Variants in FRMD7 observed in about 807,000 individuals in gnomAD.
The protein encoded by FRMD7 is FERM domain containing 7.
Under a neutral mutation model 44.1 loss-of-function variants are expected in FRMD7, and 14 were observed. The observed-to-expected ratio is 0.32, with a 90% CI of 0.21 to 0.50. The LOEUF (loss-of-function observed/expected upper bound fraction) is 0.50. Ranked by LOEUF, FRMD7 falls within the 20% of genes least tolerant of loss-of-function variation. The pLI is 0.99. For synonymous variants in FRMD7, 212 were observed against 187.4 expected, an observed-to-expected ratio of 1.13 and a Z score of -1.07; for missense variants, 501 against 522.3, an observed-to-expected ratio of 0.96 and a Z score of 0.40.
chrX:132,079,760 C>T (rs904767026), intron 11 of FRMD7, among the ~76,000 whole-genome samples: 7 of 111,851 alleles, frequency 6.3e-5, no homozygotes, highest in African/African-American at 2.3e-4. Context: ...ATGTTAGCAA[C>T]ACAGGTTGCA....
chrX:132,125,773 T>G (rs1929140796), intron 1 of FRMD7, among the ~76,000 whole-genome samples: 1 of 111,431 alleles, frequency 9.0e-6, no homozygotes, highest in African/African-American at 3.3e-5. Flanking sequence ...AAATAAATAA[T>G]GTGCATCGGC....
At chrX:132,088,276 G>A (rs770158028) in intron 5 of FRMD7, among the ~76,000 whole-genome samples, 4 of 112,476 alleles carry the variant, frequency 3.6e-5, no homozygotes, top group Admixed American at 9.4e-5. Context: ...AAGGTTGAGC[G>A]TGGTGGCTCA....
chrX:132,126,697 C>T (rs1929164622), intron 1 of FRMD7, among the ~76,000 whole-genome samples: 2 of 112,103 alleles, frequency 1.8e-5, no homozygotes, highest in African/African-American at 6.5e-5. Context: ...TATTTTCCAC[C>T]CCTTAAATAT....
At chrX:132,094,240 C>A in intron 4 of FRMD7, 101 bp from the exon 5 acceptor site, 1 of 572,867 alleles carries the variant, frequency 1.7e-6, no homozygotes, top group African/African-American at 2.2e-5. Flanking sequence ...AGGAATGGTG[C>A]CCCCAGTCAG....
chrX:132,087,337 C>T (rs1367174554), intron 5 of FRMD7, among the ~76,000 whole-genome samples: 1 of 111,297 alleles, frequency 9.0e-6, no homozygotes, highest in Non-Finnish European at 1.9e-5. Flanking sequence ...CTATGGTGCT[C>T]TTCTATTGGA....
intron 9 of FRMD7, among the ~76,000 whole-genome samples, chrX:132,081,083 C>T (rs996244081): frequency 9.0e-6 from 1 of 111,492 alleles, no homozygotes; most frequent in African/African-American, 3.3e-5. Context: ...ACCTGTAATT[C>T]GAGCACTTTG....
Position 132,112,158 on chromosome X carries a change from A to C in FRMD7, c.58-11442T>G, listed in dbSNP as rs765431339. ...AAAGTTTGCACTCAGTAAATCACCT[A>C]GGGAACGAGGAAAGGGAGCTCCTTC... On this transcript the variant is annotated intron_variant, in intron 1 of 11. Transcript: ENST00000298542. Among the ~76,000 whole-genome samples the C allele has an allele frequency of 3.6e-5, 4 of 112,188 alleles. No homozygotes were observed. The Admixed American group carries it at 3.8e-4, about 11-fold the overall frequency.
intron 1 of FRMD7, among the ~76,000 whole-genome samples, chrX:132,122,180 C>T (rs1197923496): frequency 9.0e-6 from 1 of 111,660 alleles, no homozygotes; most frequent in Non-Finnish European, 1.9e-5. Flanking sequence ...ATTTGAGCAC[C>T]CGCTTTGTGT....
At chrX:132,079,886 C>T (rs1466692931) in intron 11 of FRMD7, 120 bp downstream of exon 11, 10 of 576,703 alleles carry the variant, frequency 1.7e-5, no homozygotes, top group Non-Finnish European at 2.5e-5. Context: ...GGAAGCTAAC[C>T]TACTCAAACA....
At chrX:132,121,463 A>C (rs966071044) in intron 1 of FRMD7, among the ~76,000 whole-genome samples, 2 of 111,562 alleles carry the variant, frequency 1.8e-5, no homozygotes, top group African/African-American at 3.3e-5. Flanking sequence ...AGTGAATTCC[A>C]TGAGGCATGA....
At chrX:132,113,300 A>G (rs1477268501) in intron 1 of FRMD7, among the ~76,000 whole-genome samples, 1 of 112,097 alleles carries the variant, frequency 8.9e-6, no homozygotes, top group Non-Finnish European at 1.9e-5. Flanking sequence ...CGTGAAATTG[A>G]TTCTGTATAT....
intron 2 of FRMD7, among the ~76,000 whole-genome samples, chrX:132,099,834 G>A (rs930070179): frequency 2.7e-5 from 3 of 111,772 alleles, no homozygotes; most frequent in African/African-American, 9.8e-5. Flanking sequence ...AAGGCATTTG[G>A]CTCCACATTT....
At chrX:132,114,837 A>G (rs1402108465) in intron 1 of FRMD7, among the ~76,000 whole-genome samples, 1 of 112,397 alleles carries the variant, frequency 8.9e-6, no homozygotes, top group African/African-American at 3.2e-5. Context: ...CCTTTGCAGC[A>G]GTCACTTAGG....
chrX:132,098,375 C>T (rs1053299881), intron 3 of FRMD7, among the ~76,000 whole-genome samples: 20 of 112,246 alleles, frequency 1.8e-4, no homozygotes, highest in African/African-American at 6.5e-4. Flanking sequence ...GAGTTCAATG[C>T]TTTGTGTACC....
intron 9 of FRMD7, among the ~76,000 whole-genome samples, chrX:132,081,158 C>T (rs954926052): frequency 2.7e-5 from 3 of 111,600 alleles, no homozygotes; most frequent in African/African-American, 3.3e-5. Context: ...GATGGTGAAA[C>T]CCCGTCTCTA....
At chrX:132,082,906 G>T (rs957807262) in intron 8 of FRMD7, among the ~76,000 whole-genome samples, 4 of 112,314 alleles carry the variant, frequency 3.6e-5, no homozygotes, top group Non-Finnish European at 7.5e-5. Flanking sequence ...GGGAGGAGAA[G>T]ATTTCCTTAT....
In FRMD7 at chrX:132,077,794, TG is replaced by T; in HGVS notation, c.*77del. 8 of 1,191,774 alleles carry T rather than the reference TG, an allele frequency of 6.7e-6. No individual in the cohort carries two copies. Among genetic ancestry groups the T allele is most frequent in the Non-Finnish European group, 9.1e-6 (8 of 883,069 alleles). On this transcript the variant is annotated 3_prime_UTR_variant, in exon 12 of 12. Coordinates refer to ENST00000298542, the MANE Select transcript of FRMD7 (RefSeq NM_194277.3). Reference sequence around the variant, plus strand: ...AATGAATATGTAGTAACCAAGAAAATGGTTTCTACAACTTCATTATTTTCTG... The same window carrying T: ...AATGAATATGTAGTAACCAAGAAAATGTTTCTACAACTTCATTATTTTCTG...
intron 1 of FRMD7, among the ~76,000 whole-genome samples, chrX:132,109,334 T>C (rs1455080527): frequency 1.8e-5 from 2 of 112,041 alleles, no homozygotes; most frequent in Non-Finnish European, 3.8e-5. Context: ...TCATCTCTCC[T>C]TTAGTATGCT....
chrX:132,083,098 G>A (rs1390409559), intron 8 of FRMD7, among the ~76,000 whole-genome samples: 1 of 111,393 alleles, frequency 9.0e-6, no homozygotes, highest in Non-Finnish European at 1.9e-5. Flanking sequence ...CTACAGGCAT[G>A]TGCCACCATA....
Sources: allele counts gnomAD v4.1 joint callset (sites outside exome capture counted in the v4.1 genomes callset), GRCh38; gene constraint gnomAD v4.1.1; transcripts MANE v1.5; gene names NCBI Gene and HGNC (gene_info 2026-07-23, HGNC 2026-07-21).